Variants in AASS observed in about 807,000 individuals in gnomAD.
AASS encodes alpha-aminoadipic semialdehyde synthase, mitochondrial.
In AASS, 86 loss-of-function variants were observed where a neutral mutation model predicts 105.4. The observed-to-expected ratio is 0.82, with a 90% confidence interval of 0.69 to 0.98. AASS has a LOEUF of 0.98. AASS is among the 50% of genes least tolerant of loss of function. AASS has a pLI of 0.00. For missense variants in AASS, 1,048 were observed against 1,143.2 expected (o/e 0.92, Z 1.20); for synonymous variants, 381 against 394.8 (o/e 0.96, Z 0.41).
intron 9 of AASS, 34 bp downstream of exon 9, chr7:122,115,040 A>G: frequency 6.2e-7 from 1 of 1,614,116 alleles, no homozygotes; most frequent in Admixed American, 1.7e-5. Flanking sequence ...GCAGCTGGTC[A>G]AAACTACTAT....
rs774015987 is a variant in AASS at position 122,101,383 on chromosome 7, AGT to A, written c.1392_1393del (p.Leu465ProfsTer28). 1 of 1,608,398 alleles carries A rather than the reference AGT, an allele frequency of 6.2e-7. No individual in the cohort carries two copies. Among genetic ancestry groups the A allele is most frequent in the East Asian group, 2.2e-5 (1 of 44,774 alleles). On this transcript the variant is annotated frameshift_variant, in exon 13 of 24. Transcript: ENST00000417368. LOFTEE classifies it high-confidence loss of function. ...GAACAATACTTACCTGCTCTCCCGG[AGT>A]GTCTGGATATATTTATATTTATCAG...
At chr7:122,108,756 T>C (rs1298311033) in intron 11 of AASS, among the ~76,000 whole-genome samples, 3 of 151,896 alleles carry the variant, frequency 2.0e-5, no homozygotes, top group African/African-American at 7.2e-5. Context: ...CTCTAAGATA[T>C]GGAACAAGAA....
intron 11 of AASS, among the ~76,000 whole-genome samples, chr7:122,105,471 TG>T (rs1295731714): frequency 2.0e-5 from 3 of 152,078 alleles, no homozygotes; most frequent in African/African-American, 7.2e-5. Context: ...ATAGACCATA[TG>T]GTAGGCCACA....
chr7:122,117,622 TTATTTATTTATTTATC>T (rs1285759484), intron 6 of AASS, among the ~76,000 whole-genome samples: 15 of 151,614 alleles, frequency 9.9e-5, no homozygotes, highest in Non-Finnish European at 1.9e-4. Context: ...ATGAATTATC[TTATTTATTTATTTATC>T]TATTTATTTA....
chr7:122,114,992 T>C (rs1276894077), intron 9 of AASS, 82 bp downstream of exon 9: 7 of 1,585,680 alleles, frequency 4.4e-6, no homozygotes, highest in Non-Finnish European at 6.1e-6. Context: ...AGAAATCAAG[T>C]CCTCTGATAT....
At chr7:122,091,539 C>T (rs1210387319) in intron 18 of AASS, among the ~76,000 whole-genome samples, 164 bp downstream of exon 18, 2 of 152,094 alleles carry the variant, frequency 1.3e-5, no homozygotes, top group East Asian at 1.9e-4. Context: ...GCAAGGATAC[C>T]GTGCTAAATA....
intron 11 of AASS, among the ~76,000 whole-genome samples, chr7:122,104,383 G>A (rs1338518745): frequency 2.6e-5 from 4 of 152,078 alleles, no homozygotes; most frequent in African/African-American, 7.2e-5. Context: ...ATCACCTGAT[G>A]TCAGAAGTTC....
intron 1 of AASS, among the ~76,000 whole-genome samples, chr7:122,136,050 T>A (rs1796125895): frequency 6.6e-6 from 1 of 152,212 alleles, no homozygotes. Context: ...TAGTTTTCCA[T>A]GTAAACTTGG....
intron 1 of AASS, among the ~76,000 whole-genome samples, chr7:122,135,309 T>C (rs555050399): frequency 1.3e-5 from 2 of 151,342 alleles, no homozygotes; most frequent in Admixed American, 6.6e-5. Context: ...CAAACAAACC[T>C]ATTCTTTAAC....
At chr7:122,090,452 C>T (rs1413561271) in intron 18 of AASS, among the ~76,000 whole-genome samples, 3 of 152,140 alleles carry the variant, frequency 2.0e-5, no homozygotes, top group Non-Finnish European at 4.4e-5. Context: ...TGCTCTATAT[C>T]ACAGGCACAA....
intron 1 of AASS, among the ~76,000 whole-genome samples, chr7:122,143,105 G>T (rs1231731790): frequency 1.3e-5 from 2 of 152,144 alleles, no homozygotes; most frequent in East Asian, 3.9e-4. Flanking sequence ...GGAGTGCAGG[G>T]GACAAAACAG....
intron 3 of AASS, among the ~76,000 whole-genome samples, chr7:122,126,785 C>T (rs1036207328): frequency 1.8e-4 from 28 of 152,074 alleles, no homozygotes; most frequent in African/African-American, 6.3e-4. Context: ...GTCTAAAGCC[C>T]CTCTCATCCT....
chr7:122,127,638 G>A (rs768308691), intron 3 of AASS, among the ~76,000 whole-genome samples: 1 of 152,028 alleles, frequency 6.6e-6, no homozygotes, highest in African/African-American at 2.4e-5. Flanking sequence ...CTGGTCTACT[G>A]TATTTGGAAT....
At chr7:122,139,279 C>T (rs1262400107) in intron 1 of AASS, among the ~76,000 whole-genome samples, 1 of 152,118 alleles carries the variant, frequency 6.6e-6, no homozygotes, top group Admixed American at 6.5e-5. Flanking sequence ...AAGATATGCA[C>T]GGCATGATGC....
chr7:122,077,677 C>T (rs1279888147), intron 23 of AASS, among the ~76,000 whole-genome samples, 161 bp downstream of exon 23: 1 of 152,214 alleles, frequency 6.6e-6, no homozygotes, highest in African/African-American at 2.4e-5. Context: ...CTTTACTCAT[C>T]AAAAGGGGAC....
intron 1 of AASS, among the ~76,000 whole-genome samples, chr7:122,137,096 T>A (rs1796178562): frequency 6.6e-6 from 1 of 152,228 alleles, no homozygotes; most frequent in Non-Finnish European, 1.5e-5. Context: ...TTTCTGTAAC[T>A]TTCATTATTT....
intron 15 of AASS, among the ~76,000 whole-genome samples, chr7:122,097,781 T>C (rs1467986366): frequency 6.6e-6 from 1 of 152,010 alleles, no homozygotes; most frequent in Non-Finnish European, 1.5e-5. Flanking sequence ...GACACTTAAG[T>C]ATATAAAACA....
intron 4 of AASS, among the ~76,000 whole-genome samples, chr7:122,123,696 C>A (rs888287794): frequency 1.1e-4 from 17 of 152,162 alleles, no homozygotes; most frequent in Admixed American, 1.1e-3. Flanking sequence ...AAATAGCAAC[C>A]TGAAGGGTCA....
chr7:122,115,192 C>T lies in AASS; in HGVS notation c.925G>A (p.Gly309Arg). Residue 309 changes from glycine to arginine, a missense_variant, in exon 9 of 24, where the codon GGA becomes AGA. Gly to Arg is a moderately radical substitution (Grantham distance 125). Coordinates refer to ENST00000417368, the MANE Select transcript of AASS (RefSeq NM_005763.4). Reference protein sequence around the residue: ...IAPYTTCLINGIYWEQNTPRL... With the variant: ...IAPYTTCLINRIYWEQNTPRL... ...GGAGTGTTTTGTTCCCAGTAGATTC[C>T]ATTAATTAAGCAAGTTGTATAGGGT... is the stretch of plus-strand genomic sequence containing the variant. 3 of 1,614,050 alleles carry T rather than the reference C, an allele frequency of 1.9e-6. No individual in the cohort carries two copies. Among genetic ancestry groups the T allele is most frequent in the Non-Finnish European group, 2.5e-6 (3 of 1,180,002 alleles).
Sources: gnomAD v4.1 joint callset for allele counts (sites outside exome capture counted in the v4.1 genomes callset) on GRCh38, gnomAD v4.1.1 for gene constraint, MANE v1.5 for transcripts, NCBI Gene and HGNC (gene_info 2026-07-23, HGNC 2026-07-21) for gene names.